The following TMEM154 variants were observed in gnomAD, a reference collection of about 807,000 sequenced individuals.
TMEM154 encodes the protein transmembrane protein 154.
A neutral mutation model predicts 24.5 loss-of-function variants in TMEM154; 27 were observed. That is an observed-to-expected ratio of 1.10 (90% CI 0.81 to 1.52). TMEM154 has a LOEUF of 1.52. Ranked by LOEUF, TMEM154 falls within the 40% of genes most tolerant of loss-of-function variation. The pLI is 0.00. For synonymous variants in TMEM154, 67 were observed against 76.8 expected, an observed-to-expected ratio of 0.87 and a Z score of 0.67; for missense variants, 228 against 213.4, an observed-to-expected ratio of 1.07 and a Z score of -0.43.
intron 4 of TMEM154, 120 bp downstream of exon 4, chr4:152,644,295 G>A (rs540408892): frequency 4.8e-5 from 53 of 1,115,372 alleles, no homozygotes; most frequent in East Asian, 4.0e-4. Flanking sequence ...CTCCAACCCC[G>A]CCTGGGAAGC....
In TMEM154 at chr4:152,623,670, A is replaced by G. The variant is rs1037888837; in HGVS notation, c.*4876T>C. ...TGAGGTGGGCGGATCACTTGAGCCC[A>G]GGAGTTTGAGACTAGCTTGGCCAAC... is the stretch of plus-strand genomic sequence containing the variant. On this transcript the variant is annotated 3_prime_UTR_variant, in exon 7 of 7. Transcript: ENST00000304385. 6.6e-6 allele frequency: 1 copy of G among 152,222 alleles called. No homozygotes were observed. The highest frequency in any genetic ancestry group is 2.4e-5 in the African/African-American group (1 of 41,452). The allele number at this position is 152,222 out of a possible 1,614,324, so 9.4% of individuals were successfully genotyped here.
intron 1 of TMEM154, among the ~76,000 whole-genome samples, chr4:152,674,674 T>G (rs1728915677): frequency 6.6e-6 from 1 of 152,210 alleles, no homozygotes; most frequent in Non-Finnish European, 1.5e-5. Context: ...AGCACACCCC[T>G]GTCTCAGTTT....
At chr4:152,641,193 C>T (rs1752250659) in intron 5 of TMEM154, 2 of 516,928 alleles carry the variant, frequency 3.9e-6, no homozygotes, top group East Asian at 3.5e-5. Context: ...TGCAAAACTT[C>T]AACATGCCTC....
Position 152,643,085 on chromosome 4 carries a change from T to C in TMEM154, c.478+3A>G. On this transcript the variant is annotated splice_donor_region_variant and intron_variant, in intron 5 of 6. Transcript: ENST00000304385. ...AAAAAAACAACTTTAGGTTACCACA[T>C]ACCATTTCTATTCATGCTGTTCATC... is the stretch of plus-strand genomic sequence containing the variant. 1 of 1,610,796 alleles carries C rather than the reference T, an allele frequency of 6.2e-7. No individual in the cohort carries two copies. Among genetic ancestry groups the C allele is most frequent in the Non-Finnish European group, 8.5e-7 (1 of 1,178,316 alleles).
rs1007870537 is a variant in TMEM154, at chr4:152,626,117, G to T, written c.*2429C>A. On this transcript the variant is annotated 3_prime_UTR_variant, in exon 7 of 7. Transcript: ENST00000304385. Reference sequence around the variant, plus strand: ...CCATTGGGTCAAGAGTCATGAATGGGTATTTTTACATATTTATTAAAACAA... The same window carrying T: ...CCATTGGGTCAAGAGTCATGAATGGTTATTTTTACATATTTATTAAAACAA... The T allele has an allele frequency of 2.6e-5, 4 of 152,510 alleles. No homozygotes were observed. Among genetic ancestry groups the T allele is most frequent in the Non-Finnish European group, 5.9e-5 (4 of 68,006 alleles). The allele number at this position is 152,510 out of a possible 1,614,324, so 9.4% of individuals were successfully genotyped here.
At chr4:152,630,178 G>A (rs1752008128) in intron 6 of TMEM154, among the ~76,000 whole-genome samples, 1 of 151,908 alleles carries the variant, frequency 6.6e-6, no homozygotes, top group Non-Finnish European at 1.5e-5. Flanking sequence ...CAAGTGTGGT[G>A]GTGCACACTT....
intron 3 of TMEM154, among the ~76,000 whole-genome samples, chr4:152,646,134 C>T (rs1728218042): frequency 6.6e-6 from 1 of 151,448 alleles, no homozygotes; most frequent in African/African-American, 2.4e-5. Flanking sequence ...TCTCCCTTTT[C>T]CCCTGCTGAA....
At position 152,625,035 on chromosome 4, in the gene TMEM154, G is replaced by A. The variant is rs890999095; in HGVS notation, c.*3511C>T. The A allele has an allele frequency of 2.0e-5, 3 of 152,198 alleles. No homozygotes were observed. The highest frequency in any genetic ancestry group is 7.2e-5 in the African/African-American group (3 of 41,438). The allele number at this position is 152,198 out of a possible 1,614,324, so 9.4% of individuals were successfully genotyped here. On this transcript the variant is annotated 3_prime_UTR_variant, in exon 7 of 7. Transcript: ENST00000304385. ...TATCACTCCACCAGATTCAGAATTG[G>A]TACTAATTCTGACAGAAGCTGAAAC...
At chr4:152,659,069 C>T (rs912894401) in intron 1 of TMEM154, among the ~76,000 whole-genome samples, 1 of 152,146 alleles carries the variant, frequency 6.6e-6, no homozygotes, top group Non-Finnish European at 1.5e-5. Context: ...CTCGCGTGTT[C>T]ATTGCAGCAC....
At chr4:152,653,582 G>A (rs926452949) in intron 1 of TMEM154, among the ~76,000 whole-genome samples, 3 of 151,124 alleles carry the variant, frequency 2.0e-5, no homozygotes, top group African/African-American at 7.3e-5. Context: ...TAGAGACAGG[G>A]TTTCACCATG....
chr4:152,642,018 G>A (rs927761564), intron 5 of TMEM154, among the ~76,000 whole-genome samples: 4 of 146,556 alleles, frequency 2.7e-5, no homozygotes, highest in African/African-American at 5.1e-5. Context: ...CGCCTCCTGG[G>A]TTCAAGCTAT....
intron 3 of TMEM154, among the ~76,000 whole-genome samples, chr4:152,649,745 A>G (rs1342137724): frequency 6.6e-6 from 1 of 152,194 alleles, no homozygotes; most frequent in Non-Finnish European, 1.5e-5. Flanking sequence ...CTTATTGGCT[A>G]AAATTATACA....
intron 1 of TMEM154, among the ~76,000 whole-genome samples, chr4:152,675,500 G>T (rs1462512120): frequency 6.6e-6 from 1 of 152,140 alleles, no homozygotes; most frequent in Non-Finnish European, 1.5e-5. Context: ...GCTGGCACAT[G>T]CCTGTAATCC....
intron 4 of TMEM154, among the ~76,000 whole-genome samples, chr4:152,643,867 C>G (rs1333584387): frequency 1.3e-5 from 2 of 152,032 alleles, no homozygotes; most frequent in South Asian, 4.1e-4. Flanking sequence ...TGGCATCACC[C>G]CAGAACATGC....
intron 3 of TMEM154, chr4:152,646,772 G>C (rs1728249907): frequency 1.0e-5 from 6 of 590,716 alleles, no homozygotes; most frequent in Non-Finnish European, 1.8e-5. Flanking sequence ...GTGGAGGCTA[G>C]GGGAGGGCAG....
In TMEM154 at chr4:152,665,788, C is replaced by CTTT. The variant is rs560197111; in HGVS notation, c.65-12864_65-12862dup. Among the ~76,000 whole-genome samples the CTTT allele has an allele frequency of 3.3e-3, 418 of 127,112 alleles. 5 individuals carry two copies. Among genetic ancestry groups the CTTT allele is most frequent in the East Asian group, 0.012 (55 of 4,536 alleles). 83.4% of individuals were successfully genotyped at this position (127,112 alleles called of 152,430 possible). A position where few individuals can be genotyped will look rare whatever the true frequency, so the allele number is the denominator to read the frequency against. On this transcript the variant is annotated intron_variant, in intron 1 of 6. Transcript: ENST00000304385. ...GTCTGGGAGGGGGCCCAAGAATTTG[C>CTTT]TTTTTTTTTTTTTTTTTGAGACAGG...
Position 152,631,039 on chromosome 4 carries a change from T to G in TMEM154, c.537-2478A>C, listed in dbSNP as rs115146086. 8.0e-3 allele frequency among the ~76,000 whole-genome samples: 1,223 copies of G among 152,330 alleles called. 13 individuals are homozygous for G. Among genetic ancestry groups the G allele is most frequent in the African/African-American group, 0.026 (1,066 of 41,584 alleles). On this transcript the variant is annotated intron_variant, in intron 6 of 6. Coordinates refer to ENST00000304385, the MANE Select transcript of TMEM154 (RefSeq NM_152680.3). ...ATTTAGGCTACTTCAAATTTTTAAT[T>G]TTTATTTATTATAAACATTGCTACA... is the stretch of plus-strand genomic sequence containing the variant.
intron 1 of TMEM154, among the ~76,000 whole-genome samples, chr4:152,654,492 A>G (rs762289548): frequency 2.6e-5 from 4 of 152,232 alleles, no homozygotes; most frequent in Non-Finnish European, 5.9e-5. Flanking sequence ...GGTCACTGCT[A>G]TGAATTGAAT....
intron 3 of TMEM154, among the ~76,000 whole-genome samples, chr4:152,651,170 T>C (rs968540848): frequency 2.0e-5 from 3 of 150,194 alleles, no homozygotes; most frequent in Non-Finnish European, 4.4e-5. Context: ...TAGCTATTAA[T>C]AGTCCTAGAT....
Sources: allele counts gnomAD v4.1 joint callset (sites outside exome capture counted in the v4.1 genomes callset), GRCh38; gene constraint gnomAD v4.1.1; transcripts MANE v1.5; gene names NCBI Gene and HGNC (gene_info 2026-07-23, HGNC 2026-07-21).